Variants in ADAMTSL1 observed in about 807,000 individuals in gnomAD.
ADAMTSL1 encodes the protein ADAMTS-like protein 1.
ADAMTSL1 carries 126 observed loss-of-function variants against 201.8 expected under a neutral mutation model. The observed-to-expected ratio is 0.62, with a 90% CI of 0.54 to 0.72. ADAMTSL1 has a LOEUF of 0.72. Ranked by LOEUF, ADAMTSL1 falls within the 30% of genes least tolerant of loss-of-function variation. The probability of loss-of-function intolerance (pLI) is 0.00; values close to 1 mark genes in which losing one functional copy is unlikely to be tolerated. For missense variants in ADAMTSL1, 2,679 were observed against 2,277.8 expected, an observed-to-expected ratio of 1.18 and a Z score of -3.59; for synonymous variants, 1,121 against 903.4, an observed-to-expected ratio of 1.24 and a Z score of -4.32.
At chr9:17,919,781 A>G (rs1300190006) in intron 1 of ADAMTSL1, among the ~76,000 whole-genome samples, 1 of 152,068 alleles carries the variant, frequency 6.6e-6, no homozygotes, top group African/African-American at 2.4e-5. Context: ...TGCTATAAAC[A>G]TTTATGTACA....
intron 23 of ADAMTSL1, among the ~76,000 whole-genome samples, chr9:18,858,486 G>A (rs995630049): frequency 4.6e-5 from 7 of 152,154 alleles, no homozygotes; most frequent in African/African-American, 9.7e-5. Flanking sequence ...AATGGGTTTC[G>A]ACTGAACCAT....
chr9:18,582,201 C>T (rs930411257), intron 4 of ADAMTSL1, among the ~76,000 whole-genome samples: 4 of 152,190 alleles, frequency 2.6e-5, no homozygotes, highest in African/African-American at 9.7e-5. Flanking sequence ...CCAGAGCACA[C>T]TACCTAAATA....
intron 1 of ADAMTSL1, among the ~76,000 whole-genome samples, chr9:17,997,571 GAA>G (rs1819434784): frequency 1.3e-5 from 2 of 152,134 alleles, no homozygotes; most frequent in Non-Finnish European, 1.5e-5. Flanking sequence ...ATATCTATGT[GAA>G]AATAAAAATA....
chr9:18,854,238 G>A (rs534009493), intron 23 of ADAMTSL1, among the ~76,000 whole-genome samples: 38 of 150,582 alleles, frequency 2.5e-4, no homozygotes, highest in Middle Eastern at 3.5e-3. Flanking sequence ...ACATATGCAC[G>A]CACACACACA....
At chr9:18,684,414 A>G (rs2133197090) in intron 12 of ADAMTSL1, among the ~76,000 whole-genome samples, 1 of 152,346 alleles carries the variant, frequency 6.6e-6, no homozygotes, top group East Asian at 1.9e-4. Context: ...AGATACTTCG[A>G]TGATTCTTTA....
chr9:18,092,661 C>T (rs1824080101), intron 1 of ADAMTSL1, among the ~76,000 whole-genome samples: 1 of 152,150 alleles, frequency 6.6e-6, no homozygotes, highest in Non-Finnish European at 1.5e-5. Flanking sequence ...TTTTCATTTG[C>T]TCCAGAATTC....
At chr9:18,599,655 T>G (rs1162593142) in intron 4 of ADAMTSL1, among the ~76,000 whole-genome samples, 3 of 152,060 alleles carry the variant, frequency 2.0e-5, no homozygotes, top group African/African-American at 4.8e-5. Context: ...GTTTCGTGGC[T>G]CTAAAGCAGA....
At chr9:18,687,757 C>T (rs548118128) in intron 13 of ADAMTSL1, among the ~76,000 whole-genome samples, 5 of 152,070 alleles carry the variant, frequency 3.3e-5, no homozygotes, top group Non-Finnish European at 5.9e-5. Flanking sequence ...GGGAAGTAAC[C>T]GCTTTAAGAT....
At position 18,104,516 on chromosome 9, in the gene ADAMTSL1, C is replaced by G. The variant is rs916669131; in HGVS notation, c.88-59346C>G. On this transcript the variant is annotated intron_variant, in intron 1 of 29. Transcript: ENST00000680146. ...TAACCTGCAGGTGGCCACACTTGGGCTACCTCTGGGAGCTAAACAGTAGGT... is the reference window on the plus strand; with the variant it reads ...TAACCTGCAGGTGGCCACACTTGGGGTACCTCTGGGAGCTAAACAGTAGGT... 2.0e-5 allele frequency among the ~76,000 whole-genome samples: 3 copies of G among 152,218 alleles called. No homozygotes were observed. The East Asian group carries it at 5.8e-4, about 30-fold the overall frequency.
intron 2 of ADAMTSL1, among the ~76,000 whole-genome samples, chr9:18,261,165 G>C (rs558395375): frequency 8.6e-5 from 13 of 151,926 alleles, no homozygotes; most frequent in South Asian, 2.1e-4. Context: ...CAGCAACACA[G>C]GAGTAGGGTG....
At chr9:17,912,826 C>T (rs1490471600) in intron 1 of ADAMTSL1, among the ~76,000 whole-genome samples, 5 of 144,928 alleles carry the variant, frequency 3.4e-5, no homozygotes, top group Non-Finnish European at 7.6e-5. Flanking sequence ...TTAGGTCTAA[C>T]GTTTAAGTCT....
At chr9:17,964,610 CTG>C (rs1817904585) in intron 1 of ADAMTSL1, among the ~76,000 whole-genome samples, 1 of 152,004 alleles carries the variant, frequency 6.6e-6, no homozygotes, top group Admixed American at 6.6e-5. Context: ...GTCAGTAAAA[CTG>C]TGGAAATCTG....
intron 2 of ADAMTSL1, among the ~76,000 whole-genome samples, chr9:18,256,345 A>T (rs1831685879): frequency 6.6e-6 from 1 of 152,192 alleles, no homozygotes; most frequent in African/African-American, 2.4e-5. Context: ...GCAATAAGAA[A>T]GGGCAACTTA....
chr9:18,622,195 G>A, intron 4 of ADAMTSL1, 48 bp from the exon 5 acceptor site: 1 of 1,596,290 alleles, frequency 6.3e-7, no homozygotes, highest in Non-Finnish European at 8.5e-7. Flanking sequence ...AATGGATTTT[G>A]CCATCGGTAG....
At chr9:18,216,044 G>T (rs1361933714) in intron 2 of ADAMTSL1, among the ~76,000 whole-genome samples, 2 of 152,118 alleles carry the variant, frequency 1.3e-5, no homozygotes, top group Non-Finnish European at 2.9e-5. Context: ...ACCACTCCTG[G>T]AAACATTTCC....
intron 14 of ADAMTSL1, among the ~76,000 whole-genome samples, chr9:18,711,038 T>G (rs1033874174): frequency 1.3e-5 from 2 of 152,048 alleles, no homozygotes; most frequent in Non-Finnish European, 2.9e-5. Context: ...GCAGATACAC[T>G]TATGCATGAG....
At chr9:18,193,283 A>G (rs1006925391) in intron 2 of ADAMTSL1, among the ~76,000 whole-genome samples, 2 of 152,134 alleles carry the variant, frequency 1.3e-5, no homozygotes, top group Admixed American at 6.6e-5. Flanking sequence ...AGATCAACAT[A>G]GAATGCAAGT....
chr9:18,313,549 A>T (rs554927564), intron 2 of ADAMTSL1, among the ~76,000 whole-genome samples: 2 of 152,290 alleles, frequency 1.3e-5, no homozygotes, highest in African/African-American at 4.8e-5. Flanking sequence ...GTCTCTTTTT[A>T]AAAGCTCTCC....
intron 1 of ADAMTSL1, among the ~76,000 whole-genome samples, chr9:18,127,754 A>C (rs1046379525): frequency 2.0e-5 from 3 of 152,180 alleles, no homozygotes; most frequent in African/African-American, 4.8e-5. Flanking sequence ...TTGGTTTGGC[A>C]GCACACAGAT....
Sources: allele counts gnomAD v4.1 joint callset (sites outside exome capture counted in the v4.1 genomes callset), GRCh38; gene constraint gnomAD v4.1.1; transcripts MANE v1.5; gene names NCBI Gene and HGNC (gene_info 2026-07-23, HGNC 2026-07-21).